Variants in SLC41A2 observed in about 807,000 individuals in gnomAD.
SLC41A2 encodes the protein solute carrier family 41 member 2.
SLC41A2 carries 32 observed loss-of-function variants against 58.3 expected under a neutral mutation model. The ratio of observed to expected loss-of-function variants is 0.55; its 90% CI spans 0.41 to 0.74. SLC41A2 has a LOEUF of 0.74. SLC41A2 is among the 30% of genes least tolerant of loss of function. The pLI is 0.00. For synonymous variants in SLC41A2, 190 were observed against 235.0 expected (o/e 0.81, Z 1.75); for missense variants, 514 against 680.6 (o/e 0.76, Z 2.72).
chr12:104,920,528 G>C (rs2046543188), intron 2 of SLC41A2, among the ~76,000 whole-genome samples: 1 of 151,858 alleles, frequency 6.6e-6, no homozygotes. Context: ...GCAGAAGAAA[G>C]AGTCGGTGAG....
intron 9 of SLC41A2, among the ~76,000 whole-genome samples, chr12:104,845,075 G>A (rs890438452): frequency 6.6e-6 from 1 of 152,016 alleles, no homozygotes; most frequent in Non-Finnish European, 1.5e-5. Context: ...CTTGAGGCCA[G>A]GAGTTCAAGA....
chr12:104,807,713 T>C (rs1160408447), intron 10 of SLC41A2, among the ~76,000 whole-genome samples: 4 of 152,168 alleles, frequency 2.6e-5, no homozygotes, highest in Non-Finnish European at 4.4e-5. Context: ...AATGTTCTTC[T>C]ATTTGTTTGT....
intron 8 of SLC41A2, among the ~76,000 whole-genome samples, chr12:104,853,241 T>C (rs1308062595): frequency 6.6e-6 from 1 of 152,226 alleles, no homozygotes; most frequent in Non-Finnish European, 1.5e-5. Flanking sequence ...ATGGAATATA[T>C]TTCAAATTCT....
At chr12:104,851,872 G>A (rs978742236) in intron 8 of SLC41A2, 1 of 152,104 alleles carries the variant, frequency 6.6e-6, no homozygotes, top group Non-Finnish European at 1.5e-5. Context: ...CATTAGTGTT[G>A]CTAAAGTTGG....
chr12:104,836,283 C>T (rs1340736856), intron 10 of SLC41A2, among the ~76,000 whole-genome samples: 2 of 152,180 alleles, frequency 1.3e-5, no homozygotes, highest in Admixed American at 6.5e-5. Context: ...CAGAACCTTC[C>T]TTACTGGGCT....
chr12:104,891,298 A>G (rs905380605), intron 4 of SLC41A2, among the ~76,000 whole-genome samples: 1 of 152,052 alleles, frequency 6.6e-6, no homozygotes, highest in Non-Finnish European at 1.5e-5. Flanking sequence ...TCTGACTCCT[A>G]TCTTGACTGA....
intron 10 of SLC41A2, among the ~76,000 whole-genome samples, chr12:104,820,585 T>C (rs2136236073): frequency 1.3e-5 from 2 of 152,374 alleles, no homozygotes; most frequent in Admixed American, 1.3e-4. Flanking sequence ...TTTAACGTTT[T>C]AAATATTTAC....
At chr12:104,950,868 C>G (rs1199324755) in intron 1 of SLC41A2, among the ~76,000 whole-genome samples, 2 of 152,116 alleles carry the variant, frequency 1.3e-5, no homozygotes, top group Non-Finnish European at 2.9e-5. Context: ...AAAAGATCTG[C>G]AAGGCTAATA....
intron 10 of SLC41A2, among the ~76,000 whole-genome samples, chr12:104,818,972 C>T (rs2041524430): frequency 6.6e-6 from 1 of 152,104 alleles, no homozygotes; most frequent in African/African-American, 2.4e-5. Flanking sequence ...ATTAATAAAT[C>T]AACTGTATAA....
intron 6 of SLC41A2, 51 bp downstream of exon 6, chr12:104,886,242 A>G: frequency 6.3e-7 from 1 of 1,582,132 alleles, no homozygotes; most frequent in Non-Finnish European, 8.6e-7. Flanking sequence ...AACAATATTT[A>G]TTTAAAGAGA....
At chr12:104,954,602 A>G (rs901029008) in intron 1 of SLC41A2, among the ~76,000 whole-genome samples, 3 of 152,250 alleles carry the variant, frequency 2.0e-5, no homozygotes, top group Non-Finnish European at 4.4e-5. Context: ...TTATATTTTC[A>G]ATACGTTTGA....
chr12:104,879,222 T>C (rs750015094), intron 6 of SLC41A2, among the ~76,000 whole-genome samples: 29 of 152,240 alleles, frequency 1.9e-4, no homozygotes, highest in Non-Finnish European at 4.1e-4. Context: ...CTTTGTCAGA[T>C]GGGTAGATTG....
At chr12:104,924,862 TAC>T (rs1179720660) in intron 2 of SLC41A2, among the ~76,000 whole-genome samples, 1 of 151,988 alleles carries the variant, frequency 6.6e-6, no homozygotes, top group Non-Finnish European at 1.5e-5. Context: ...GGAAATAAAC[TAC>T]AGTTTCATGA....
intron 10 of SLC41A2, among the ~76,000 whole-genome samples, chr12:104,835,834 G>A (rs1377843228): frequency 2.1e-5 from 3 of 141,312 alleles, no homozygotes; most frequent in Non-Finnish European, 4.7e-5. Flanking sequence ...TCCTCACTAA[G>A]AGCAAAACAA....
At chr12:104,898,274 C>CT (rs2045390540) in intron 3 of SLC41A2, among the ~76,000 whole-genome samples, 2 of 152,062 alleles carry the variant, frequency 1.3e-5, no homozygotes, top group African/African-American at 4.8e-5. Flanking sequence ...AATCTGCCAT[C>CT]TCTAGTTTTT....
chr12:104,867,288 C>A (rs2043514111), intron 6 of SLC41A2, among the ~76,000 whole-genome samples: 1 of 152,012 alleles, frequency 6.6e-6, no homozygotes, highest in African/African-American at 2.4e-5. Context: ...CATCTCAAGG[C>A]ATTTTTTGGA....
At chr12:104,940,351 T>TG (rs61040954) in intron 1 of SLC41A2, among the ~76,000 whole-genome samples, 1 of 147,956 alleles carries the variant, frequency 6.8e-6, no homozygotes, top group Non-Finnish European at 1.5e-5. Flanking sequence ...AAGGCTCACC[T>TG]GGGGGGGAGG....
chr12:104,841,726 A>G (rs1314324062), intron 10 of SLC41A2, among the ~76,000 whole-genome samples: 1 of 152,110 alleles, frequency 6.6e-6, no homozygotes, highest in East Asian at 1.9e-4. Flanking sequence ...AATAAGTGCA[A>G]TATGAAGGTT....
intron 1 of SLC41A2, among the ~76,000 whole-genome samples, chr12:104,935,106 T>C (rs57685442): frequency 0.032 from 4,851 of 152,126 alleles, 149 homozygotes; most frequent in East Asian, 0.15. Flanking sequence ...TAGAGGGGCA[T>C]GCCACCACGC....
Sources: gnomAD v4.1 joint callset for allele counts (sites outside exome capture counted in the v4.1 genomes callset) on GRCh38, gnomAD v4.1.1 for gene constraint, MANE v1.5 for transcripts, NCBI Gene and HGNC (gene_info 2026-07-23, HGNC 2026-07-21) for gene names.